Variants in FREM2 observed in about 807,000 individuals in gnomAD.
FREM2 encodes FRAS1-related extracellular matrix protein 2.
A neutral mutation model predicts 219.9 loss-of-function variants in FREM2; 119 were observed. The observed-to-expected ratio is 0.54, with a 90% CI of 0.47 to 0.63. The LOEUF (loss-of-function observed/expected upper bound fraction) is 0.63, where lower values mean the gene tolerates loss of function less well. FREM2 is among the 30% of genes least tolerant of loss of function. The probability of loss-of-function intolerance (pLI) is 0.00; values close to 1 mark genes in which losing one functional copy is unlikely to be tolerated. For synonymous variants in FREM2, 1,562 were observed against 1,522.8 expected (o/e 1.03, Z -0.60); for missense variants, 4,030 against 3,993.6 (o/e 1.01, Z -0.25).
chr13:38,878,384 A>G, intron 22 of FREM2, 63 bp downstream of exon 22: 3 of 1,318,498 alleles, frequency 2.3e-6, no homozygotes, highest in Admixed American at 1.8e-5. Context: ...TCCTTGTCTT[A>G]TATTTAAAAA....
intron 6 of FREM2, among the ~76,000 whole-genome samples, chr13:38,831,155 A>G (rs1876492157): frequency 6.6e-6 from 1 of 152,100 alleles, no homozygotes; most frequent in African/African-American, 2.4e-5. Context: ...TCTTCCTCAT[A>G]TATGGGGTAT....
intron 4 of FREM2, among the ~76,000 whole-genome samples, chr13:38,777,634 A>G (rs780856407): frequency 1.2e-4 from 18 of 152,260 alleles, no homozygotes; most frequent in Non-Finnish European, 2.6e-4. Context: ...CTACTAGCTA[A>G]GAATTTTTAA....
chr13:38,743,330 C>T (rs1051160954), intron 2 of FREM2, among the ~76,000 whole-genome samples: 5 of 151,048 alleles, frequency 3.3e-5, no homozygotes, highest in African/African-American at 1.2e-4. Context: ...TATATACATA[C>T]ATATATATAT....
At chr13:38,702,359 A>G (rs963727519) in intron 2 of FREM2, among the ~76,000 whole-genome samples, 1 of 152,184 alleles carries the variant, frequency 6.6e-6, no homozygotes, top group Non-Finnish European at 1.5e-5. Context: ...CTAAAAGGAA[A>G]TAACCATTTC....
At chr13:38,784,516 A>C in intron 5 of FREM2, 41 bp from the exon 6 acceptor site, 1 of 1,609,902 alleles carries the variant, frequency 6.2e-7, no homozygotes, top group Non-Finnish European at 8.5e-7. Flanking sequence ...TCTTTGTCTT[A>C]TGTTCTACAT....
chr13:38,811,753 A>G (rs141691629), intron 6 of FREM2, among the ~76,000 whole-genome samples: 1 of 152,256 alleles, frequency 6.6e-6, no homozygotes, highest in Non-Finnish European at 1.5e-5. Context: ...TCCTGTTCTG[A>G]GGAGAAAAAT....
At chr13:38,823,672 TTAAAA>T (rs1450664037) in intron 6 of FREM2, among the ~76,000 whole-genome samples, 2 of 151,842 alleles carry the variant, frequency 1.3e-5, no homozygotes, top group African/African-American at 4.8e-5. Flanking sequence ...CTGCCAATAA[TTAAAA>T]TAATAATAAT....
Position 38,878,939 on chromosome 13 carries a change from T to G in FREM2, c.8968T>G (p.Ser2990Ala). The G allele has an allele frequency of 6.2e-7, 1 of 1,614,138 alleles. No individual in the cohort carries two copies. The highest frequency in any genetic ancestry group is 8.5e-7 in the Non-Finnish European group (1 of 1,179,988). The change falls in exon 23 of 24, where the codon TCT (serine) becomes GCT (alanine). Residue 2990 changes from serine to alanine, a missense_variant. Physicochemically the swap from Ser to Ala is moderately conservative, Grantham distance 99. This residue lies in a region of FREM2 where 928 missense variants were observed against 1,042.9 expected (regional missense o/e 0.89). Transcript: ENST00000280481. ...EAILLVNQPGSDGFKVDSTPL... is the reference protein window; with the variant it reads ...EAILLVNQPGADGFKVDSTPL... ...CATTCTCTTAGTGAATCAGCCTGGATCTGATGGATTTAAAGTCGACTCAAC... is the reference window on the plus strand; with the variant it reads ...CATTCTCTTAGTGAATCAGCCTGGAGCTGATGGATTTAAAGTCGACTCAAC...
At chr13:38,830,004 T>C (rs567763165) in intron 6 of FREM2, among the ~76,000 whole-genome samples, 59 of 152,262 alleles carry the variant, frequency 3.9e-4, no homozygotes, top group African/African-American at 1.4e-3. Context: ...ATATTATCTC[T>C]GCACAAATCT....
In FREM2 at chr13:38,878,957, G is replaced by A. The variant is rs370936866; in HGVS notation, c.8986G>A (p.Asp2996Asn). Residue 2996 changes from aspartate (D) to asparagine (N), a missense_variant, in exon 23 of 24, where the codon GAC (aspartate) becomes AAC (asparagine). Physicochemically the swap from Asp to Asn is conservative, Grantham distance 23. This residue lies in a region of FREM2 where 928 missense variants were observed against 1,042.9 expected (regional missense o/e 0.89). Coordinates refer to ENST00000280481, the MANE Select transcript of FREM2 (RefSeq NM_207361.6). ...GCCTGGATCTGATGGATTTAAAGTCGACTCAACACCACTCTTTCAGGTAGG... is the reference window on the plus strand; with the variant it reads ...GCCTGGATCTGATGGATTTAAAGTCAACTCAACACCACTCTTTCAGGTAGG... ...NQPGSDGFKV[D>N]STPLFQVALG... is the part of the protein sequence containing the mutation. 7.4e-6 allele frequency: 12 copies of A among 1,614,012 alleles called. No homozygotes were observed. The highest frequency in any genetic ancestry group is 2.7e-5 in the African/African-American group (2 of 74,924).
chr13:38,702,536 T>G (rs1566110273), intron 2 of FREM2, among the ~76,000 whole-genome samples: 1 of 152,122 alleles, frequency 6.6e-6, no homozygotes, highest in East Asian at 1.9e-4. Context: ...GTGTAAACTT[T>G]TTTGTTTGTT....
Position 38,691,726 on chromosome 13 carries a change from C to T in FREM2, c.4382C>T (p.Thr1461Ile). 6.2e-7 allele frequency: 1 copy of T among 1,613,688 alleles called. No homozygotes were observed. Among genetic ancestry groups the T allele is most frequent in the Admixed American group, 1.7e-5 (1 of 60,012 alleles). The change falls in exon 1 of 24, where the codon ACC becomes ATC. Residue 1461 changes from threonine to isoleucine, a missense_variant. Physicochemically the swap from Thr to Ile is moderately conservative, Grantham distance 89. Around this residue, in one of 2 missense-constraint regions of FREM2, gnomAD observed 3,102 missense variants for 2,950.7 expected, o/e 1.05. Transcript: ENST00000280481. ...SPDENLVFTI[T>I]RAPMRGHLEC... is the part of the protein sequence containing the mutation. ...GATGAAAACTTGGTTTTTACCATCA[C>T]CAGGGCTCCCATGCGAGGTCACCTG... is the stretch of plus-strand genomic sequence containing the variant.
Position 38,856,158 on chromosome 13 carries a change from G to T in FREM2, c.6958G>T (p.Val2320Leu). 6.2e-7 allele frequency: 1 copy of T among 1,611,256 alleles called. No individual in the cohort carries two copies. Among genetic ancestry groups the T allele is most frequent in the Non-Finnish European group, 8.5e-7 (1 of 1,177,678 alleles). ...GTTTAAGGAAGGGGAAACCCAGCAC[G>T]TGGTTGAAATCGAAGTTACCTTTGA... ...IEFKEGETQH[V>L]VEIEVTFDGV... Residue 2320 changes from valine (V) to leucine (L), a missense_variant, in exon 12 of 24, where the codon GTG becomes TTG. Transcript: ENST00000280481.
rs980966586 is a variant in FREM2 at position 38,861,631 on chromosome 13, C to T, written c.7651+69C>T. On this transcript the variant is annotated intron_variant, in intron 15 of 23. Coordinates refer to ENST00000280481, the MANE Select transcript of FREM2 (RefSeq NM_207361.6). Reference sequence around the variant, plus strand: ...CCTCATTACCTGTTGTATTTTCCTTCATCTTCTAAATAACCAAGCTTAAAT... The same window carrying T: ...CCTCATTACCTGTTGTATTTTCCTTTATCTTCTAAATAACCAAGCTTAAAT... 5 of 1,536,868 alleles carry T rather than the reference C, an allele frequency of 3.3e-6. No homozygotes were observed. In the African/African-American group the frequency reaches 5.5e-5, roughly 17 times the overall value.
intron 2 of FREM2, among the ~76,000 whole-genome samples, chr13:38,704,570 A>G (rs1245130679): frequency 6.6e-6 from 1 of 152,166 alleles, no homozygotes; most frequent in Non-Finnish European, 1.5e-5. Context: ...CAGCTCCATG[A>G]ACAAACCAGA....
Position 38,754,901 on chromosome 13 carries a change from G to GATTATTATTATT in FREM2, c.5264-9395_5264-9384dup, listed in dbSNP as rs6145018. The stretch of plus-strand genomic sequence containing the variant: ...TGATGATGATGATGATGATGATGAT[G>GATTATTATTATT]ATTATTATTATTATTATTAGAGATG... On this transcript the variant is annotated intron_variant, in intron 2 of 23. Transcript: ENST00000280481. Among the ~76,000 whole-genome samples, 675 of 128,622 alleles carry GATTATTATTATT rather than the reference G, an allele frequency of 5.2e-3. 5 individuals carry two copies. Among genetic ancestry groups the GATTATTATTATT allele is most frequent in the African/African-American group, 9.7e-3 (332 of 34,298 alleles). The allele number at this position is 128,622 out of a possible 152,430, so 84.4% of individuals were successfully genotyped here. A position where few individuals can be genotyped will look rare whatever the true frequency, so the allele number is the denominator to read the frequency against.
chr13:38,867,414 T>C (rs1251513980), intron 16 of FREM2, among the ~76,000 whole-genome samples: 1 of 152,216 alleles, frequency 6.6e-6, no homozygotes, highest in Non-Finnish European at 1.5e-5. Context: ...GTTATAAAAT[T>C]CTAAAATCCT....
intron 11 of FREM2, among the ~76,000 whole-genome samples, chr13:38,853,531 C>A (rs183647869): frequency 1.1e-3 from 170 of 152,226 alleles, no homozygotes; most frequent in Non-Finnish European, 1.6e-3. Flanking sequence ...TCATCTTTAT[C>A]TAATTTACAA....
chr13:38,723,635 T>A (rs1182567211), intron 2 of FREM2, among the ~76,000 whole-genome samples: 2 of 152,236 alleles, frequency 1.3e-5, no homozygotes, highest in Non-Finnish European at 2.9e-5. Context: ...TCTTTCTATA[T>A]CTATTCCTTC....
Sources: allele counts gnomAD v4.1 joint callset (sites outside exome capture counted in the v4.1 genomes callset), GRCh38; gene constraint gnomAD v4.1.1; regional missense constraint gnomAD v4.1.1; transcripts MANE v1.5; gene names NCBI Gene and HGNC (gene_info 2026-07-23, HGNC 2026-07-21).